Variants in FUT8 observed in about 807,000 individuals in gnomAD.
FUT8 encodes alpha-(1,6)-fucosyltransferase.
A neutral mutation model predicts 71.3 loss-of-function variants in FUT8; 29 were observed. The observed-to-expected ratio is 0.41, with a 90% confidence interval of 0.30 to 0.55. The LOEUF is 0.55. Ranked by LOEUF, FUT8 falls within the 20% of genes least tolerant of loss-of-function variation. The pLI is 0.34. For synonymous variants in FUT8, 254 were observed against 239.3 expected, an observed-to-expected ratio of 1.06 and a Z score of -0.57; for missense variants, 544 against 702.1, an observed-to-expected ratio of 0.77 and a Z score of 2.55.
At chr14:65,372,960 C>A in the FUT8 span, among the ~76,000 whole-genome samples, 2 of 152,084 alleles carry the variant, frequency 1.3e-5, no homozygotes, top group Middle Eastern at 3.2e-3. Context: ...CCAACTAGAA[C>A]AGAATTCGGG....
intron 5 of FUT8, among the ~76,000 whole-genome samples, chr14:65,619,950 G>A (rs1256436958): frequency 2.6e-5 from 4 of 152,066 alleles, no homozygotes; most frequent in African/African-American, 9.7e-5. Flanking sequence ...TCAGTGCTTC[G>A]ATTTATGGCA....
Position 65,467,980 on chromosome 14 carries a change from T to G in FUT8, c.-228+12262T>G. 1.4e-6 allele frequency: 1 copy of G among 702,966 alleles called. No homozygotes were observed. Among genetic ancestry groups the G allele is most frequent in the Non-Finnish European group, 2.7e-6 (1 of 375,648 alleles). The allele number at this position is 702,966 out of a possible 1,614,324, so 43.5% of individuals were successfully genotyped here. ...TTTTCCTTTACGTGTTTCAGGAAGCTATTTTGGCTCTTAGAGTGCTGAATG... is the reference window on the plus strand; with the variant it reads ...TTTTCCTTTACGTGTTTCAGGAAGCGATTTTGGCTCTTAGAGTGCTGAATG... On this transcript the variant is annotated intron_variant, in intron 2 of 10. Transcript: ENST00000673929. This position sits in a 1 kb window ranked among gnomAD's most constrained non-coding sequence, Gnocchi z 4.1.
intron 1 of FUT8, among the ~76,000 whole-genome samples, chr14:65,439,981 T>C (rs1181976077): frequency 7.2e-6 from 1 of 138,288 alleles, no homozygotes; most frequent in African/African-American, 2.7e-5. Flanking sequence ...TATATATATA[T>C]ATATATATAT....
At chr14:65,543,618 A>G (rs2139972779) in intron 2 of FUT8, among the ~76,000 whole-genome samples, 1 of 152,106 alleles carries the variant, frequency 6.6e-6, no homozygotes, top group Middle Eastern at 3.4e-3. Flanking sequence ...TCTTGTTTTT[A>G]GGGTCCCAGT....
At chr14:65,633,771 C>G (rs545515230) in intron 6 of FUT8, among the ~76,000 whole-genome samples, 67 of 151,486 alleles carry the variant, frequency 4.4e-4, no homozygotes, top group South Asian at 3.3e-3. Context: ...AAGTGAGGAG[C>G]CCCTCCGCCC....
At chr14:65,484,850 G>A (rs2066385373) in intron 2 of FUT8, among the ~76,000 whole-genome samples, 1 of 151,706 alleles carries the variant, frequency 6.6e-6, no homozygotes, top group Admixed American at 6.6e-5. Flanking sequence ...TTCTCTTTTT[G>A]TGTTGTATTT....
At chr14:65,692,027 C>T (rs892036298) in intron 7 of FUT8, among the ~76,000 whole-genome samples, 8 of 151,334 alleles carry the variant, frequency 5.3e-5, no homozygotes, top group Admixed American at 3.3e-4. Context: ...GGCAACCATC[C>T]GATTTCTCAA....
rs566912894 is a variant in FUT8, at chr14:65,538,957, C to T, written c.-227-22380C>T. On this transcript the variant is annotated intron_variant, in intron 2 of 10. Coordinates refer to ENST00000673929, the MANE Select transcript of FUT8 (RefSeq NM_001371533.1). ...CAAAACAAAACAAACACAAAAAAAA[C>T]GCTGCTTCTAGATAAATCCATTGAG... Among the ~76,000 whole-genome samples the T allele has an allele frequency of 3.9e-5, 6 of 151,906 alleles. No individual in the cohort carries two copies. The East Asian group carries it at 7.7e-4, about 20-fold the overall frequency.
chr14:65,466,637 C>CT (rs1246752063), intron 2 of FUT8, among the ~76,000 whole-genome samples: 1 of 152,102 alleles, frequency 6.6e-6, no homozygotes, highest in Non-Finnish European at 1.5e-5. Flanking sequence ...GTAATCCCAG[C>CT]TACTCAGGGG....
intron 7 of FUT8, among the ~76,000 whole-genome samples, chr14:65,678,129 AT>A (rs1467367016): frequency 1.3e-5 from 2 of 152,220 alleles, no homozygotes; most frequent in East Asian, 3.9e-4. Context: ...ACCATATGTT[AT>A]TATTACCACT....
At chr14:65,664,428 A>G (rs1892111348) in intron 6 of FUT8, among the ~76,000 whole-genome samples, 1 of 152,152 alleles carries the variant, frequency 6.6e-6, no homozygotes, top group South Asian at 2.1e-4. Context: ...CACATTTTCA[A>G]AGAATCAGCA....
At chr14:65,417,043 C>T (rs2065229714) in intron 1 of FUT8, among the ~76,000 whole-genome samples, 1 of 152,104 alleles carries the variant, frequency 6.6e-6, no homozygotes, top group African/African-American at 2.4e-5. Context: ...ACCTTGGCCT[C>T]CTAAAATGCT....
At chr14:65,482,397 A>T (rs2139685100) in intron 2 of FUT8, among the ~76,000 whole-genome samples, 1 of 152,240 alleles carries the variant, frequency 6.6e-6, no homozygotes. Flanking sequence ...GGTGGAATAA[A>T]ATTTTAAGCA....
rs530973802 is a variant in FUT8 at position 65,573,855 on chromosome 14, G to T, written c.203+12089G>T. Among the ~76,000 whole-genome samples the T allele has an allele frequency of 4.6e-4, 70 of 151,956 alleles. 3 individuals carry two copies. Among genetic ancestry groups the T allele is most frequent in the African/African-American group, 1.5e-3 (64 of 41,426 alleles). On this transcript the variant is annotated intron_variant, in intron 3 of 10. Coordinates refer to ENST00000673929, the MANE Select transcript of FUT8 (RefSeq NM_001371533.1). ...AAATGCATCTGATTGTTTATATCTTGTCTGTTAAATGGTATTTAGTTATCT... is the reference window on the plus strand; with the variant it reads ...AAATGCATCTGATTGTTTATATCTTTTCTGTTAAATGGTATTTAGTTATCT...
At chr14:65,360,479 C>T in the FUT8 span, among the ~76,000 whole-genome samples, 1 of 152,236 alleles carries the variant, frequency 6.6e-6, no homozygotes, top group African/African-American at 2.4e-5. Context: ...ATCTGTTAGG[C>T]TCCCATACTT....
intron 2 of FUT8, among the ~76,000 whole-genome samples, chr14:65,507,855 T>G (rs1012693046): frequency 2.6e-5 from 4 of 152,192 alleles, no homozygotes; most frequent in Non-Finnish European, 5.9e-5. Flanking sequence ...AGCTAAATTT[T>G]TAGTTTTTTT....
At chr14:65,366,508 G>A in the FUT8 span, among the ~76,000 whole-genome samples, 1 of 152,276 alleles carries the variant, frequency 6.6e-6, no homozygotes, top group Non-Finnish European at 1.5e-5. Context: ...GACATTATAT[G>A]TTATTGCTAG....
chr14:65,441,743 T>C (rs201089965), intron 1 of FUT8, among the ~76,000 whole-genome samples: 7 of 110,126 alleles, frequency 6.4e-5, no homozygotes, highest in East Asian at 2.6e-4. Flanking sequence ...CAGAGTGAGA[T>C]TCCATCTCAA....
At chr14:65,631,630 A>C (rs1177896623) in intron 6 of FUT8, among the ~76,000 whole-genome samples, 1 of 125,786 alleles carries the variant, frequency 8.0e-6, no homozygotes, top group African/African-American at 2.7e-5. Flanking sequence ...CCCCATTGGA[A>C]GGAAAAGGTG....
Sources: gnomAD v4.1 joint callset for allele counts (sites outside exome capture counted in the v4.1 genomes callset) on GRCh38, gnomAD v4.1.1 for gene constraint, Gnocchi (gnomAD v3.1) non-coding constraint, MANE v1.5 for transcripts, NCBI Gene and HGNC (gene_info 2026-07-23, HGNC 2026-07-21) for gene names.